ANO1: variants seen among roughly 807,000 people sequenced by gnomAD.
The protein encoded by ANO1 is anoctamin 1.
A neutral mutation model predicts 124.0 loss-of-function variants in ANO1; 59 were observed. That is an observed-to-expected ratio of 0.48 (90% CI 0.39 to 0.59). ANO1 has a LOEUF of 0.59. ANO1 is among the 20% of genes least tolerant of loss of function. The probability of loss-of-function intolerance (pLI) is 0.00; values close to 1 mark genes in which losing one functional copy is unlikely to be tolerated. For missense variants in ANO1, 1,059 were observed against 1,328.0 expected, an observed-to-expected ratio of 0.80 and a Z score of 3.15; for synonymous variants, 529 against 532.0, an observed-to-expected ratio of 0.99 and a Z score of 0.08.
In ANO1 at chr11:70,180,090, G is replaced by C. The variant is rs756872022; in HGVS notation, c.2403+34G>C. 6 of 1,597,628 alleles carry C rather than the reference G, an allele frequency of 3.8e-6. No homozygotes were observed. In the East Asian group the frequency reaches 1.3e-4, roughly 36 times the overall value. ...CATCAGGGACCTTGGCAGAATGGAAGTCCCGGCTGAACTGCCAGGTGGCCG... is the reference window on the plus strand; with the variant it reads ...CATCAGGGACCTTGGCAGAATGGAACTCCCGGCTGAACTGCCAGGTGGCCG... On this transcript the variant is annotated intron_variant, in intron 23 of 25. Coordinates refer to ENST00000355303, the MANE Select transcript of ANO1 (RefSeq NM_018043.7).
chr11:70,063,034 A>T lies in ANO1; in HGVS notation c.59-15508A>T, dbSNP rs191479782. Among the ~76,000 whole-genome samples the T allele has an allele frequency of 4.9e-3, 744 of 152,040 alleles. 3 individuals are homozygous for T. Among genetic ancestry groups the T allele is most frequent in the African/African-American group, 0.017 (703 of 41,440 alleles). Reference sequence around the variant, plus strand: ...AACCTCTGCCTCCCGGGTTCAAGCGATTCTCCTCCCTCAGCCTCTTGAGTA... The same window carrying T: ...AACCTCTGCCTCCCGGGTTCAAGCGTTTCTCCTCCCTCAGCCTCTTGAGTA... On this transcript the variant is annotated intron_variant, in intron 1 of 27. Transcript: ENST00000531349.
Position 70,178,633 on chromosome 11 carries a change from G to A in ANO1, c.2351-1371G>A, listed in dbSNP as rs149903699. Reference sequence around the variant, plus strand: ...TGCTGGAATGCAGTGGCGTGATCTCGGCTCCCCATAACCTCCGCCTCCCTG... The same window carrying A: ...TGCTGGAATGCAGTGGCGTGATCTCAGCTCCCCATAACCTCCGCCTCCCTG... On this transcript the variant is annotated intron_variant, in intron 22 of 25. Transcript: ENST00000355303. 1.5e-3 allele frequency among the ~76,000 whole-genome samples: 231 copies of A among 151,796 alleles called. 2 individuals are homozygous for A. Among genetic ancestry groups the A allele is most frequent in the African/African-American group, 5.2e-3 (217 of 41,350 alleles).
chr11:70,098,464 G>C (rs2045110185), intron 2 of ANO1, among the ~76,000 whole-genome samples: 1 of 152,208 alleles, frequency 6.6e-6, no homozygotes, highest in Non-Finnish European at 1.5e-5. Flanking sequence ...GGTGCTGTCT[G>C]GGGAGGCCCC....
At chr11:70,023,512 G>C (rs1226040615) in intron 1 of ANO1, among the ~76,000 whole-genome samples, 1 of 152,198 alleles carries the variant, frequency 6.6e-6, no homozygotes, top group Non-Finnish European at 1.5e-5. Context: ...TTGGGTGGGA[G>C]TAGGGGCACT....
intron 7 of ANO1, among the ~76,000 whole-genome samples, chr11:70,115,772 T>C (rs2045954060): frequency 6.6e-6 from 1 of 152,176 alleles, no homozygotes; most frequent in Admixed American, 6.5e-5. Context: ...CAGTTAAGTA[T>C]CATTTTGAGT....
At chr11:70,058,447 A>C (rs782737413) in intron 1 of ANO1, among the ~76,000 whole-genome samples, 8 of 152,240 alleles carry the variant, frequency 5.3e-5, no homozygotes, top group Non-Finnish European at 1.0e-4. Context: ...TAAAGAGTCA[A>C]CCTGGGCCTG....
chr11:70,136,462 C>CTAAT, intron 11 of ANO1, among the ~76,000 whole-genome samples: 1 of 118,330 alleles, frequency 8.5e-6, no homozygotes, highest in Non-Finnish European at 2.0e-5. Context: ...CTCACCCTGG[C>CTAAT]CTCAGTCCTG....
At chr11:70,061,698 T>C (rs1565171423) in intron 1 of ANO1, among the ~76,000 whole-genome samples, 1 of 152,176 alleles carries the variant, frequency 6.6e-6, no homozygotes, top group Non-Finnish European at 1.5e-5. Context: ...CAGCAGCTAC[T>C]CTTTTGTGGC....
chr11:70,022,427 C>T lies in ANO1; in HGVS notation c.58+36261C>T, dbSNP rs543543518. 7.9e-5 allele frequency among the ~76,000 whole-genome samples: 12 copies of T among 152,124 alleles called. No individual in the cohort carries two copies. The East Asian group carries it at 1.4e-3, about 17-fold the overall frequency. ...CAACCTGGCCAACATGGTGAAACCC[C>T]GTCTCTACCAAAAATACAAAAATTA... On this transcript the variant is annotated intron_variant, in intron 1 of 27. Transcript: ENST00000531349.
At chr11:70,095,299 G>GGAAGGAAAGAAGGAAGGAAGGAAGGAAA (rs1555017361) in intron 2 of ANO1, among the ~76,000 whole-genome samples, 1 of 50,930 alleles carries the variant, frequency 2.0e-5, no homozygotes, top group African/African-American at 9.0e-5. Flanking sequence ...AAGGAAGGAA[G>GGAAGGAAAGAAGGAAGGAAGGAAGGAAA]GAAAGAAAGA....
Position 70,126,056 on chromosome 11 carries a change from T to G in ANO1, c.963-5T>G, listed in dbSNP as rs2046498244. The G allele has an allele frequency of 2.5e-6, 4 of 1,607,026 alleles. No individual in the cohort carries two copies. The highest frequency in any genetic ancestry group is 2.2e-5 in the East Asian group (1 of 44,654). The stretch of plus-strand genomic sequence containing the variant: ...GCTTGACTCTGCTCTGCTCCCCTGG[T>G]GTAGGAAGTATTTTGGGGAGAAGAT... On this transcript the variant is annotated splice_polypyrimidine_tract_variant and splice_region_variant and intron_variant, in intron 9 of 25. Coordinates refer to ENST00000355303, the MANE Select transcript of ANO1 (RefSeq NM_018043.7).
chr11:70,060,977 A>G (rs1038709855), intron 1 of ANO1, among the ~76,000 whole-genome samples: 8 of 152,170 alleles, frequency 5.3e-5, no homozygotes, highest in African/African-American at 1.7e-4. Context: ...GTGAGTTTGT[A>G]AAGTGGTTTG....
Position 70,189,039 on chromosome 11 carries a change from G to A in ANO1, c.*1035G>A, listed in dbSNP as rs569333369. 1 of 152,474 alleles carries A rather than the reference G, an allele frequency of 6.6e-6. No individual in the cohort carries two copies. The highest frequency in any genetic ancestry group is 2.1e-4 in the South Asian group (1 of 4,818). The allele number at this position is 152,474 out of a possible 1,614,324, so 9.4% of individuals were successfully genotyped here. A position where few individuals can be genotyped will look rare whatever the true frequency, so the allele number is the denominator to read the frequency against. ...TTTTATTAATAAAGGCTTATATTTT[G>A]GTAACACTTCTCTATATTTTTACTC... On this transcript the variant is annotated 3_prime_UTR_variant, in exon 26 of 26. Transcript: ENST00000355303.
chr11:70,048,995 C>T (rs758130731), intron 1 of ANO1, among the ~76,000 whole-genome samples: 27 of 152,124 alleles, frequency 1.8e-4, no homozygotes, highest in Non-Finnish European at 2.4e-4. Flanking sequence ...GCTTCCCGGA[C>T]AAGCAGGATG....
chr11:70,128,762 T>A (rs2135508498), intron 10 of ANO1, among the ~76,000 whole-genome samples: 1 of 152,326 alleles, frequency 6.6e-6, no homozygotes, highest in East Asian at 1.9e-4. Flanking sequence ...TCTTTGTATT[T>A]TGGCTAAAGG....
At chr11:70,182,797 G>T in intron 24 of ANO1, 111 bp downstream of exon 24, 2 of 1,009,802 alleles carry the variant, frequency 2.0e-6, no homozygotes, top group Admixed American at 3.8e-5. Flanking sequence ...ACGCAAACTT[G>T]CTTAAAAAGA....
intron 1 of ANO1, among the ~76,000 whole-genome samples, chr11:70,044,944 C>G (rs374134014): frequency 6.6e-6 from 1 of 152,112 alleles, no homozygotes; most frequent in Non-Finnish European, 1.5e-5. Context: ...GATTAGATTA[C>G]AGTATTGCAA....
chr11:69,977,317 A>G, the ANO1 span, among the ~76,000 whole-genome samples: 1 of 152,250 alleles, frequency 6.6e-6, no homozygotes, highest in Non-Finnish European at 1.5e-5. Context: ...GAAGTAGTCC[A>G]TATGCTGTAA....
At chr11:70,049,226 C>T (rs936791149) in intron 1 of ANO1, among the ~76,000 whole-genome samples, 10 of 152,256 alleles carry the variant, frequency 6.6e-5, no homozygotes, top group South Asian at 2.1e-4. Flanking sequence ...CTTCTCAATG[C>T]TCCCAAGTCA....
Sources: allele counts gnomAD v4.1 joint callset (sites outside exome capture counted in the v4.1 genomes callset), GRCh38; gene constraint gnomAD v4.1.1; transcripts MANE v1.5; gene names NCBI Gene and HGNC (gene_info 2026-07-23, HGNC 2026-07-21).